Variants in LUZP2 observed in about 807,000 individuals in gnomAD.
LUZP2 encodes the protein leucine zipper protein 2.
LUZP2 carries 52 observed loss-of-function variants against 51.6 expected under a neutral mutation model. The ratio of observed to expected loss-of-function variants is 1.01; its 90% confidence interval spans 0.81 to 1.27. The LOEUF (loss-of-function observed/expected upper bound fraction) is 1.27. LUZP2 is among the 50% of genes most tolerant of loss of function. LUZP2 has a pLI of 0.00. For missense variants in LUZP2, 436 were observed against 395.4 expected, an observed-to-expected ratio of 1.10 and a Z score of -0.87; for synonymous variants, 154 against 137.3, an observed-to-expected ratio of 1.12 and a Z score of -0.85.
chr11:24,551,631 A>G (rs576823827), intron 1 of LUZP2, among the ~76,000 whole-genome samples: 27 of 152,162 alleles, frequency 1.8e-4, no homozygotes, highest in African/African-American at 6.3e-4. Context: ...CCCAAGTGAC[A>G]AAAGCAACAA....
intron 7 of LUZP2, among the ~76,000 whole-genome samples, chr11:24,917,018 T>C (rs1182134659): frequency 6.6e-6 from 1 of 152,168 alleles, no homozygotes; most frequent in East Asian, 1.9e-4. Flanking sequence ...TTTTTAATGA[T>C]CACCATTCTA....
At chr11:24,918,880 T>A (rs574736051) in intron 7 of LUZP2, among the ~76,000 whole-genome samples, 1 of 145,012 alleles carries the variant, frequency 6.9e-6, no homozygotes, top group Non-Finnish European at 1.5e-5. Flanking sequence ...ATCCATAATA[T>A]ATATTATATA....
intron 7 of LUZP2, among the ~76,000 whole-genome samples, chr11:24,943,141 A>AT (rs1230016579): frequency 6.6e-6 from 1 of 152,132 alleles, no homozygotes; most frequent in Non-Finnish European, 1.5e-5. Context: ...TCAGGACATT[A>AT]TTTAAGCACT....
At chr11:24,706,039 A>G (rs1216651244) in intron 1 of LUZP2, among the ~76,000 whole-genome samples, 3 of 152,056 alleles carry the variant, frequency 2.0e-5, no homozygotes, top group Non-Finnish European at 4.4e-5. Context: ...ACTACCTATG[A>G]GGGCAATGAA....
At chr11:24,645,753 G>T (rs1855443112) in intron 1 of LUZP2, among the ~76,000 whole-genome samples, 1 of 151,822 alleles carries the variant, frequency 6.6e-6, no homozygotes, top group Non-Finnish European at 1.5e-5. Context: ...TGTTATTATG[G>T]TATTACAGTT....
At chr11:24,674,025 G>T (rs948145728) in intron 1 of LUZP2, among the ~76,000 whole-genome samples, 1 of 152,134 alleles carries the variant, frequency 6.6e-6, no homozygotes, top group African/African-American at 2.4e-5. Flanking sequence ...TTCAATTAAT[G>T]AAACTATTTT....
At chr11:24,633,944 G>T (rs1854983763) in intron 1 of LUZP2, among the ~76,000 whole-genome samples, 1 of 132,730 alleles carries the variant, frequency 7.5e-6, no homozygotes, top group African/African-American at 3.1e-5. Context: ...ACACACGTGT[G>T]TGTGTGTGTG....
At chr11:24,951,188 GT>G (rs1278159840) in intron 7 of LUZP2, among the ~76,000 whole-genome samples, 3 of 151,522 alleles carry the variant, frequency 2.0e-5, no homozygotes, top group Non-Finnish European at 4.4e-5. Context: ...AGGTGTATGG[GT>G]ACCAACTGCC....
chr11:24,767,467 T>C (rs1860235671), intron 5 of LUZP2, among the ~76,000 whole-genome samples: 1 of 152,206 alleles, frequency 6.6e-6, no homozygotes, highest in Admixed American at 6.5e-5. Context: ...AAGAAAATAT[T>C]TGTTTGGTTA....
Position 24,926,397 on chromosome 11 carries a change from A to ATATATATACGTGTG in LUZP2, c.522+11867_522+11868insCGTGTGTATATATA, listed in dbSNP as rs1565119661. On this transcript the variant is annotated intron_variant, in intron 7 of 11. Coordinates refer to ENST00000336930, the MANE Select transcript of LUZP2 (RefSeq NM_001009909.4). ...TACGTGTGTATATATATACGTGTGT[A>ATATATATACGTGTG]TATATATATACGTGTGTATATATAT... is the stretch of plus-strand genomic sequence containing the variant. 7.7e-3 allele frequency among the ~76,000 whole-genome samples: 499 copies of ATATATATACGTGTG among 65,198 alleles called. 34 individuals are homozygous for ATATATATACGTGTG. The highest frequency in any genetic ancestry group is 0.018 in the African/African-American group (376 of 20,828). The allele number at this position is 65,198 out of a possible 152,430, so 42.8% of individuals were successfully genotyped here. A position where few individuals can be genotyped will look rare whatever the true frequency, so the allele number is the denominator to read the frequency against.
At chr11:24,696,358 C>G (rs905803443) in intron 1 of LUZP2, among the ~76,000 whole-genome samples, 1 of 151,990 alleles carries the variant, frequency 6.6e-6, no homozygotes, top group Non-Finnish European at 1.5e-5. Flanking sequence ...AAGATTTATG[C>G]TTATTTGTTA....
intron 1 of LUZP2, among the ~76,000 whole-genome samples, chr11:24,717,399 G>A (rs1450411221): frequency 6.6e-6 from 1 of 150,382 alleles, no homozygotes; most frequent in Non-Finnish European, 1.5e-5. Flanking sequence ...CCAGGTATTA[G>A]AACCCAATAG....
At chr11:24,796,484 T>A (rs900831874) in intron 5 of LUZP2, among the ~76,000 whole-genome samples, 2 of 129,456 alleles carry the variant, frequency 1.5e-5, no homozygotes, top group Non-Finnish European at 3.3e-5. Context: ...TGTATGGTAA[T>A]AATAATCTGT....
chr11:24,775,693 T>C (rs973243767), intron 5 of LUZP2, among the ~76,000 whole-genome samples: 20 of 152,138 alleles, frequency 1.3e-4, no homozygotes, highest in African/African-American at 4.8e-4. Context: ...TATACAATCT[T>C]AGACGTGACT....
intron 9 of LUZP2, among the ~76,000 whole-genome samples, chr11:24,994,495 C>A (rs1198461441): frequency 6.6e-6 from 1 of 152,172 alleles, no homozygotes; most frequent in Non-Finnish European, 1.5e-5. Context: ...ATATGCCTAT[C>A]TATCTGACAG....
chr11:24,829,220 A>C (rs56357670), intron 5 of LUZP2, among the ~76,000 whole-genome samples: 24,779 of 152,114 alleles, frequency 0.16, 2,067 homozygotes, highest in South Asian at 0.22. Context: ...AGTAAGACAG[A>C]TGAAGGAAAG....
chr11:24,880,174 A>T (rs78466575), intron 5 of LUZP2, among the ~76,000 whole-genome samples: 19 of 152,232 alleles, frequency 1.2e-4, no homozygotes, highest in Non-Finnish European at 2.6e-4. Context: ...GACTGGTTTA[A>T]TACTCCCCCC....
At chr11:24,997,095 T>C (rs1346000986) in intron 9 of LUZP2, among the ~76,000 whole-genome samples, 8 of 150,426 alleles carry the variant, frequency 5.3e-5, no homozygotes, top group African/African-American at 2.0e-4. Context: ...GCATGTGTCT[T>C]TATAGCAGCA....
intron 9 of LUZP2, among the ~76,000 whole-genome samples, chr11:25,026,287 A>G (rs930822979): frequency 6.6e-6 from 1 of 152,220 alleles, no homozygotes; most frequent in Non-Finnish European, 1.5e-5. Context: ...ACCTTAAAGT[A>G]TAATAAAAAC....
Sources: allele counts gnomAD v4.1 joint callset (sites outside exome capture counted in the v4.1 genomes callset), GRCh38; gene constraint gnomAD v4.1.1; transcripts MANE v1.5; gene names NCBI Gene and HGNC (gene_info 2026-07-23, HGNC 2026-07-21).